SETBP1: variants seen among roughly 807,000 people sequenced by gnomAD.
SETBP1 encodes SET-binding protein.
A neutral mutation model predicts 101.0 loss-of-function variants in SETBP1; 9 were observed. That is an observed-to-expected ratio of 0.09 (90% CI 0.05 to 0.16). The LOEUF (loss-of-function observed/expected upper bound fraction) is 0.16, where lower values mean the gene tolerates loss of function less well. Among genes scored for constraint, SETBP1 ranks in the 10% least tolerant of loss-of-function variants. SETBP1 has a pLI of 1.00. For synonymous variants in SETBP1, 818 were observed against 788.5 expected (o/e 1.04, Z -0.63); for missense variants, 1,858 against 2,033.8 (o/e 0.91, Z 1.66).
At chr18:44,914,380 G>A (rs2070381183) in intron 3 of SETBP1, among the ~76,000 whole-genome samples, 1 of 152,150 alleles carries the variant, frequency 6.6e-6, no homozygotes, top group Admixed American at 6.5e-5. Flanking sequence ...GAGCTATTGG[G>A]GAAATTGTGC....
chr18:44,886,586 C>T (rs2069653336), intron 3 of SETBP1, among the ~76,000 whole-genome samples: 1 of 151,768 alleles, frequency 6.6e-6, no homozygotes, highest in Non-Finnish European at 1.5e-5. Context: ...ATTTCTAGCC[C>T]TTAGGTCAGC....
intron 1 of SETBP1, among the ~76,000 whole-genome samples, chr18:44,686,495 C>A (rs1214708308): frequency 6.6e-6 from 1 of 152,144 alleles, no homozygotes; most frequent in East Asian, 1.9e-4. Context: ...TCCCCAGTTC[C>A]CAGAGCAAGG....
chr18:44,845,456 G>T (rs895487846), intron 2 of SETBP1, among the ~76,000 whole-genome samples: 9 of 152,180 alleles, frequency 5.9e-5, no homozygotes, highest in Middle Eastern at 3.2e-3. Context: ...CCCATTTAGG[G>T]TACCAAGATA....
rs184804472 is a variant in SETBP1 at position 44,972,250 on chromosome 18, C to G, written c.4000+18910C>G. 4.3e-3 allele frequency among the ~76,000 whole-genome samples: 653 copies of G among 152,276 alleles called. 6 individuals carry two copies. The highest frequency in any genetic ancestry group is 0.015 in the African/African-American group (630 of 41,552). The stretch of plus-strand genomic sequence containing the variant: ...ATTGGTCTATATCTCTGTTTTGGTA[C>G]CAGTCCCATGCTGTTTTGGTTACTG... On this transcript the variant is annotated intron_variant, in intron 4 of 5. Transcript: ENST00000649279.
chr18:44,742,975 C>G (rs1319432892), intron 2 of SETBP1, among the ~76,000 whole-genome samples: 1 of 140,320 alleles, frequency 7.1e-6, no homozygotes, highest in African/African-American at 2.6e-5. Context: ...CTCTCTCCCC[C>G]CCTGTCCCGT....
In SETBP1 at chr18:45,064,419, AACTT is replaced by A. The variant is rs1644668665; in HGVS notation, c.*726_*729del. 1 of 150,392 alleles carries A rather than the reference AACTT, an allele frequency of 6.6e-6. No homozygotes were observed. The highest frequency in any genetic ancestry group is 6.6e-5 in the Admixed American group (1 of 15,124). The allele number at this position is 150,392 out of a possible 1,614,324, so 9.3% of individuals were successfully genotyped here. Reference sequence around the variant, plus strand: ...TTGTACTTCCATATATCTTTTCATTAACTTACTTGCTGCCTTTTTTTTTTCTTGG... The same window carrying A: ...TTGTACTTCCATATATCTTTTCATTAACTTGCTGCCTTTTTTTTTTCTTGG... On this transcript the variant is annotated 3_prime_UTR_variant, in exon 6 of 6. Transcript: ENST00000649279.
In SETBP1 at chr18:44,996,860, G is replaced by C. The variant is rs1367427799; in HGVS notation, c.4001-41625G>C. Among the ~76,000 whole-genome samples, 2 of 152,160 alleles carry C rather than the reference G, an allele frequency of 1.3e-5. 1 individual carries two copies. The highest frequency in any genetic ancestry group is 2.9e-5 in the Non-Finnish European group (2 of 68,032). ...AAGGGAAAGAAGGAAAAGATATGAG[G>C]CTAGTGGAAGAAAAAGGGTAGGAAA... On this transcript the variant is annotated intron_variant, in intron 4 of 5. Transcript: ENST00000649279.
intron 2 of SETBP1, among the ~76,000 whole-genome samples, chr18:44,799,306 T>A (rs2071548481): frequency 6.6e-6 from 1 of 152,112 alleles, no homozygotes; most frequent in Admixed American, 6.6e-5. Flanking sequence ...TCCTGTTCCC[T>A]CCACTAGCCT....
At chr18:45,013,486 C>T (rs1250445396) in intron 4 of SETBP1, among the ~76,000 whole-genome samples, 1 of 151,732 alleles carries the variant, frequency 6.6e-6, no homozygotes, top group Non-Finnish European at 1.5e-5. Context: ...GTCACCCAGG[C>T]TGGAGTGCAG....
intron 1 of SETBP1, among the ~76,000 whole-genome samples, chr18:44,689,301 G>A (rs1294892390): frequency 2.6e-5 from 4 of 152,214 alleles, no homozygotes; most frequent in Non-Finnish European, 5.9e-5. Flanking sequence ...GCATGGCCCT[G>A]AAGATGAAGG....
rs370885094 is a variant in SETBP1, at chr18:44,786,862, C to A, written c.487-82368C>A. Among the ~76,000 whole-genome samples the A allele has an allele frequency of 2.6e-5, 4 of 152,166 alleles. No individual in the cohort carries two copies. The East Asian group carries it at 7.7e-4, about 29-fold the overall frequency. ...GATTTACTAAAGCAATTGAGTTTGT[C>A]GGGGGAAATGTGATCGTCTCCATCA... On this transcript the variant is annotated intron_variant, in intron 2 of 5. Coordinates refer to ENST00000649279, the MANE Select transcript of SETBP1 (RefSeq NM_015559.3).
At chr18:45,028,746 T>G (rs1222547152) in intron 4 of SETBP1, among the ~76,000 whole-genome samples, 2 of 152,256 alleles carry the variant, frequency 1.3e-5, no homozygotes, top group Non-Finnish European at 2.9e-5. Flanking sequence ...TTGATTTGCA[T>G]TTCTCTAATG....
At chr18:44,703,124 G>C (rs946499897) in intron 2 of SETBP1, among the ~76,000 whole-genome samples, 2 of 152,066 alleles carry the variant, frequency 1.3e-5, no homozygotes, top group Admixed American at 1.3e-4. Context: ...TTTTGTCTTC[G>C]AAAATCTTTG....
rs1391033201 is a variant in SETBP1, at chr18:45,029,465, T to A, written c.4001-9020T>A. ...TAGCGTGATGCCTCCAGCTTTGTTC[T>A]TTTGGCTTAGGATTGACTTGGCGAT... On this transcript the variant is annotated intron_variant, in intron 4 of 5. Coordinates refer to ENST00000649279, the MANE Select transcript of SETBP1 (RefSeq NM_015559.3). Among the ~76,000 whole-genome samples, 3 of 152,210 alleles carry A rather than the reference T, an allele frequency of 2.0e-5. No homozygotes were observed. The East Asian group carries it at 5.8e-4, about 29-fold the overall frequency.
chr18:44,995,529 T>TTGTGTGTGGGTG, intron 4 of SETBP1, among the ~76,000 whole-genome samples: 1 of 142,970 alleles, frequency 7.0e-6, no homozygotes, highest in East Asian at 2.1e-4. Context: ...GTCCAGGCTT[T>TTGTGTGTGGGTG]TGTGTGTGTG....
At chr18:44,847,285 C>T (rs1407918376) in intron 2 of SETBP1, among the ~76,000 whole-genome samples, 4 of 152,200 alleles carry the variant, frequency 2.6e-5, no homozygotes, top group Non-Finnish European at 4.4e-5. Flanking sequence ...AGCCAGAAGA[C>T]ACTCAGGTCA....
At chr18:44,748,268 G>A (rs996937430) in intron 2 of SETBP1, among the ~76,000 whole-genome samples, 5 of 152,044 alleles carry the variant, frequency 3.3e-5, no homozygotes, top group Non-Finnish European at 5.9e-5. Flanking sequence ...AAGAAGAAGG[G>A]GTGCAAATAT....
intron 4 of SETBP1, among the ~76,000 whole-genome samples, chr18:44,972,585 C>A (rs1015990873): frequency 6.6e-6 from 1 of 152,122 alleles, no homozygotes; most frequent in Non-Finnish European, 1.5e-5. Context: ...CTGAAGAGAT[C>A]CTTCACATCC....
intron 2 of SETBP1, among the ~76,000 whole-genome samples, chr18:44,731,169 G>C (rs1250620153): frequency 6.6e-6 from 1 of 152,146 alleles, no homozygotes; most frequent in Non-Finnish European, 1.5e-5. Context: ...CGGGGTAGTT[G>C]GACTTCACAC....
Sources: gnomAD v4.1 joint callset for allele counts (sites outside exome capture counted in the v4.1 genomes callset) on GRCh38, gnomAD v4.1.1 for gene constraint, MANE v1.5 for transcripts, NCBI Gene and HGNC (gene_info 2026-07-23, HGNC 2026-07-21) for gene names.